NME4: variants seen among roughly 807,000 people sequenced by gnomAD.
NME4 encodes NME/NM23 nucleoside diphosphate kinase 4.
NME4 carries 21 observed loss-of-function variants against 16.4 expected under a neutral mutation model. That is an observed-to-expected ratio of 1.28 (90% CI 0.91 to 1.84). The LOEUF (loss-of-function observed/expected upper bound fraction) is 1.84. Among genes scored for constraint, NME4 ranks in the 40% most tolerant of loss-of-function variants. The pLI is 0.00. For missense variants in NME4, 316 were observed against 261.3 expected (o/e 1.21, Z -1.44); for synonymous variants, 132 against 107.5 (o/e 1.23, Z -1.41).
intron 1 of NME4, chr16:398,146 G>C (rs1280755586): frequency 3.3e-6 from 5 of 1,528,440 alleles, no homozygotes; most frequent in Non-Finnish European, 4.4e-6. Context: ...CCGGAGGGTA[G>C]CTTGGCTCTG....
At chr16:398,118 G>A (rs1287300350) in intron 1 of NME4, 26 of 1,534,688 alleles carry the variant, frequency 1.7e-5, no homozygotes, top group East Asian at 1.0e-4. Context: ...GGCTCCTCTG[G>A]AAACCAGGGA....
intron 1 of NME4, chr16:398,660 C>T: frequency 2.3e-6 from 1 of 431,092 alleles, no homozygotes; most frequent in Non-Finnish European, 4.2e-6. Flanking sequence ...CTGGCTCTGC[C>T]TCTATGGACC....
rs994903308 is a variant in NME4 at position 398,637 on chromosome 16, G to C, written c.92-353G>C. 4 of 406,256 alleles carry C rather than the reference G, an allele frequency of 9.8e-6. No individual in the cohort carries two copies. The Admixed American group carries it at 1.6e-4, about 16-fold the overall frequency. The allele number at this position is 406,256 out of a possible 1,614,324, so 25.2% of individuals were successfully genotyped here. Reference sequence around the variant, plus strand: ...TGGGCTGTCCCTCCCTGGACCTTGAGGTGGTCCCTGAGCTGGCTCTGCCTC... The same window carrying C: ...TGGGCTGTCCCTCCCTGGACCTTGACGTGGTCCCTGAGCTGGCTCTGCCTC... On this transcript the variant is annotated intron_variant, in intron 1 of 4. Transcript: ENST00000219479.
Position 399,474 on chromosome 16 carries a change from G to A in NME4, c.321G>A (p.Val107=), listed in dbSNP as rs528627339. 9 of 1,612,694 alleles carry A rather than the reference G, an allele frequency of 5.6e-6. No homozygotes were observed. The highest frequency in any genetic ancestry group is 2.7e-5 in the African/African-American group (2 of 75,026). The part of the protein sequence containing the change: ...LIRYMSSGPV[V]AMVWEGYNVV... The stretch of plus-strand genomic sequence containing the variant: ...GCTACATGAGCTCTGGGCCTGTGGT[G>A]GCCATGGTACGGCAGGGCAGGGGTG... Residue 107 remains valine (V), a synonymous_variant, in exon 3 of 5, where the codon GTG becomes GTA. Coordinates refer to ENST00000219479, the MANE Select transcript of NME4 (RefSeq NM_005009.3).
At chr16:398,103 G>GTCT in intron 1 of NME4, 1 of 1,534,516 alleles carries the variant, frequency 6.5e-7, no homozygotes, top group South Asian at 1.2e-5. Context: ...GACATACAGG[G>GTCT]TCTGGGCTCC....
At chr16:397,755 G>A (rs561620248) in intron 1 of NME4, 12 of 1,286,502 alleles carry the variant, frequency 9.3e-6, no homozygotes, top group Non-Finnish European at 1.2e-5. Context: ...GAGCCGCTCC[G>A]CTGGGGCGTT....
Position 399,675 on chromosome 16 carries a change from C to A in NME4, c.376C>A (p.His126Asn), listed in dbSNP as rs1207660635. ...VVRASRAMIG[H>N]TDSAEAAPGT... ...CCGCGCCTCGAGGGCCATGATTGGA[C>A]ACACCGACTCGGCTGAGGCTGCCCC... Residue 126 changes from histidine (H) to asparagine (N), a missense_variant, in exon 4 of 5, where the codon CAC becomes AAC. Transcript: ENST00000219479. 6.2e-6 allele frequency: 10 copies of A among 1,613,086 alleles called. No individual in the cohort carries two copies. Among genetic ancestry groups the A allele is most frequent in the Non-Finnish European group, 8.5e-6 (10 of 1,179,946 alleles).
rs2054639893 is a variant in NME4 at position 400,483 on chromosome 16, G to A, written c.*141G>A. The A allele has an allele frequency of 9.2e-7, 1 of 1,085,748 alleles. No individual in the cohort carries two copies. Among genetic ancestry groups the A allele is most frequent in the Non-Finnish European group, 1.3e-6 (1 of 793,402 alleles). The allele number at this position is 1,085,748 out of a possible 1,614,324, so 67.3% of individuals were successfully genotyped here. A position where few individuals can be genotyped will look rare whatever the true frequency, so the allele number is the denominator to read the frequency against. Reference sequence around the variant, plus strand: ...CTCTGCCCCACCCCAGCCCAGAGGAGTTTGAGCCACCAACTTCAGTGCCTT... The same window carrying A: ...CTCTGCCCCACCCCAGCCCAGAGGAATTTGAGCCACCAACTTCAGTGCCTT... On this transcript the variant is annotated 3_prime_UTR_variant, in exon 5 of 5. Transcript: ENST00000219479.
chr16:400,071 G>C, intron 4 of NME4, 148 bp from the exon 5 acceptor site: 1 of 1,245,744 alleles, frequency 8.0e-7, no homozygotes, highest in South Asian at 1.2e-5. Context: ...CTGGAACCCG[G>C]TTTCCCAGCT....
At chr16:398,101 G>A (rs1457090243) in intron 1 of NME4, 4 of 1,532,602 alleles carry the variant, frequency 2.6e-6, no homozygotes, top group Non-Finnish European at 3.5e-6. Context: ...GGGACATACA[G>A]GGTCTGGGCT....
intron 1 of NME4, chr16:398,138 G>C: frequency 1.3e-6 from 2 of 1,530,366 alleles, no homozygotes; most frequent in Non-Finnish European, 1.8e-6. Context: ...ACCCGATGCC[G>C]GAGGGTAGCT....
rs1397859885 is a variant in NME4, at chr16:397,328, G to A, written c.91+15G>A. On this transcript the variant is annotated intron_variant, in intron 1 of 4. Coordinates refer to ENST00000219479, the MANE Select transcript of NME4 (RefSeq NM_005009.3). ...CCACGGCTCGGGTGAGTGGGGCCGC[G>A]CGCCCCGGCGGGGACGCGGAGGGGA... 1 of 1,013,974 alleles carries A rather than the reference G, an allele frequency of 9.9e-7. No homozygotes were observed. Among genetic ancestry groups the A allele is most frequent in the Non-Finnish European group, 1.2e-6 (1 of 839,770 alleles). 62.8% of individuals were successfully genotyped at this position (1,013,974 alleles called of 1,614,324 possible).
At position 397,595 on chromosome 16, in the gene NME4, G is replaced by C. The variant is rs1182688614; in HGVS notation, c.91+282G>C. Reference sequence around the variant, plus strand: ...GGGTCCGGGGCGACCGAGGGCCCGGGAGCGCAAGGAAGGCAGAGGCCGGCT... The same window carrying C: ...GGGTCCGGGGCGACCGAGGGCCCGGCAGCGCAAGGAAGGCAGAGGCCGGCT... On this transcript the variant is annotated intron_variant, in intron 1 of 4. Coordinates refer to ENST00000219479, the MANE Select transcript of NME4 (RefSeq NM_005009.3). 6.8e-4 allele frequency: 54 copies of C among 79,580 alleles called. 1 individual carries two copies. The highest frequency in any genetic ancestry group is 3.4e-4 in the Non-Finnish European group (14 of 41,656). The allele number at this position is 79,580 out of a possible 1,614,324, so 4.9% of individuals were successfully genotyped here. A position where few individuals can be genotyped will look rare whatever the true frequency, so the allele number is the denominator to read the frequency against.
At chr16:398,054 G>A (rs1453895750) in intron 1 of NME4, 1 of 1,528,434 alleles carries the variant, frequency 6.5e-7, no homozygotes. Context: ...TTTCCTCCTG[G>A]CCTGGCGGAG....
At chr16:398,924 G>A (rs1174749479) in intron 1 of NME4, 66 bp from the exon 2 acceptor site, 2 of 1,593,834 alleles carry the variant, frequency 1.3e-6, no homozygotes, top group Non-Finnish European at 8.5e-7. Flanking sequence ...CTCTGGCTGG[G>A]AAACCCGGGT....
rs371502748 is a variant in NME4 at position 399,373 on chromosome 16, A to C, written c.226-6A>C. On this transcript the variant is annotated splice_region_variant and splice_polypyrimidine_tract_variant and intron_variant, in intron 2 of 4. Transcript: ENST00000219479. ...TGCGGCTCCTCCTTACCTCAATGCCACCCAGGCACCAGAGAGCGTCCTTGC... is the reference window on the plus strand; with the variant it reads ...TGCGGCTCCTCCTTACCTCAATGCCCCCCAGGCACCAGAGAGCGTCCTTGC... The C allele has an allele frequency of 9.3e-6, 15 of 1,612,580 alleles. No homozygotes were observed. In the African/African-American group the frequency reaches 1.5e-4, roughly 16 times the overall value.
chr16:399,228 C>T lies in NME4; in HGVS notation c.225+105C>T. The T allele has an allele frequency of 5.3e-6, 8 of 1,497,460 alleles. No homozygotes were observed. The highest frequency in any genetic ancestry group is 7.4e-6 in the Non-Finnish European group (8 of 1,075,666). 92.8% of individuals were successfully genotyped at this position (1,497,460 alleles called of 1,614,324 possible). A position where few individuals can be genotyped will look rare whatever the true frequency, so the allele number is the denominator to read the frequency against. ...GCGCCGGGGCAGGGCCTGGCTTTGG[C>T]AGTTGAAGGGGCAGGAGGGATCTAT... On this transcript the variant is annotated intron_variant, in intron 2 of 4. Transcript: ENST00000219479.
intron 4 of NME4, chr16:399,963 A>C: frequency 1.5e-6 from 1 of 651,550 alleles, no homozygotes; most frequent in African/African-American, 1.8e-5. Flanking sequence ...GTTACCTGAC[A>C]CCCCAAGGGG....
chr16:399,522 G>A (rs1244537536), intron 3 of NME4, 42 bp downstream of exon 3: 4 of 1,600,762 alleles, frequency 2.5e-6, no homozygotes, highest in Non-Finnish European at 3.4e-6. Flanking sequence ...GTGGGTAAAG[G>A]GCGTGTGGGT....
Sources: allele counts gnomAD v4.1 joint callset, GRCh38; gene constraint gnomAD v4.1.1; transcripts MANE v1.5; gene names NCBI Gene and HGNC (gene_info 2026-07-23, HGNC 2026-07-21).